Variants in SSH2 observed in about 807,000 individuals in gnomAD.
The protein encoded by SSH2 is protein phosphatase Slingshot homolog 2.
A neutral mutation model predicts 135.2 loss-of-function variants in SSH2; 37 were observed. The ratio of observed to expected loss-of-function variants is 0.27; its 90% confidence interval spans 0.21 to 0.36. The LOEUF is 0.36. SSH2 is among the 10% of genes least tolerant of loss of function. SSH2 has a pLI of 1.00. For missense variants in SSH2, 1,408 were observed against 1,765.3 expected, an observed-to-expected ratio of 0.80 and a Z score of 3.63; for synonymous variants, 628 against 646.2, an observed-to-expected ratio of 0.97 and a Z score of 0.43.
chr17:29,761,373 C>T, intron 3 of SSH2: 1 of 1,068,752 alleles, frequency 9.4e-7, no homozygotes, highest in Non-Finnish European at 1.1e-6. Flanking sequence ...GGAGGCGGGC[C>T]CGCCGGGTCG....
chr17:29,734,142 C>T (rs1350759638), intron 3 of SSH2, among the ~76,000 whole-genome samples: 1 of 151,992 alleles, frequency 6.6e-6, no homozygotes, highest in Non-Finnish European at 1.5e-5. Flanking sequence ...AGGCTGGTCT[C>T]GAACTCCTGA....
In SSH2 at chr17:29,672,629, AATG is replaced by A. The variant is rs1358299472; in HGVS notation, c.615-503_615-501del. The stretch of plus-strand genomic sequence containing the variant: ...TTTAATGTCCAGGAAGTGTTGATCT[AATG>A]ATATTTATTATTCCTGCTGCCTTAG... On this transcript the variant is annotated intron_variant, in intron 8 of 15. Transcript: ENST00000540801. Among the ~76,000 whole-genome samples, 10 of 152,194 alleles carry A rather than the reference AATG, an allele frequency of 6.6e-5. 1 individual carries two copies. The South Asian group carries it at 2.1e-3, about 32-fold the overall frequency.
chr17:29,748,925 A>T (rs957650046), intron 3 of SSH2, among the ~76,000 whole-genome samples: 1 of 152,242 alleles, frequency 6.6e-6, no homozygotes, highest in African/African-American at 2.4e-5. Flanking sequence ...GCCTAGCAAT[A>T]TGTTAAATGA....
chr17:29,920,133 C>T (rs192548865), intron 1 of SSH2, among the ~76,000 whole-genome samples: 1 of 152,052 alleles, frequency 6.6e-6, no homozygotes, highest in African/African-American at 2.4e-5. Flanking sequence ...CTCGAACTGC[C>T]GACCTTATCT....
chr17:29,777,566 A>G (rs1367056994), intron 3 of SSH2: 1 of 152,218 alleles, frequency 6.6e-6, no homozygotes, highest in East Asian at 1.9e-4. Context: ...AGAATCTTCC[A>G]AACACCAATC....
chr17:29,913,557 C>A (rs2066825601), intron 1 of SSH2, among the ~76,000 whole-genome samples: 1 of 149,762 alleles, frequency 6.7e-6, no homozygotes, highest in African/African-American at 2.4e-5. Context: ...ATTCTGTGAA[C>A]CCCTAGGAAG....
At chr17:29,656,183 T>C (rs2151011283) in intron 11 of SSH2, among the ~76,000 whole-genome samples, 1 of 152,254 alleles carries the variant, frequency 6.6e-6, no homozygotes, top group Non-Finnish European at 1.5e-5. Context: ...AAGCTCACAC[T>C]CTTTTTTTTC....
chr17:29,682,417 C>T (rs1567873279), intron 6 of SSH2, among the ~76,000 whole-genome samples: 1 of 152,124 alleles, frequency 6.6e-6, no homozygotes, highest in Non-Finnish European at 1.5e-5. Context: ...CTAGCACATA[C>T]GGTTACTGAA....
At chr17:29,823,603 G>A (rs2042692010) in intron 2 of SSH2, among the ~76,000 whole-genome samples, 1 of 151,950 alleles carries the variant, frequency 6.6e-6, no homozygotes, top group East Asian at 1.9e-4. Context: ...ACTGGGGTCG[G>A]GTGCGGTCTC....
In SSH2 at chr17:29,812,384, C is replaced by G. The variant is rs143692360; in HGVS notation, c.145-18447G>C. 7.4e-3 allele frequency among the ~76,000 whole-genome samples: 1,127 copies of G among 152,056 alleles called. 11 individuals carry two copies. Among genetic ancestry groups the G allele is most frequent in the African/African-American group, 0.022 (926 of 41,470 alleles). ...CTGCAGCCTCTGCCTCCCAGACTCA[C>G]GTGATTCTCTCACCTCAGCCTCCTG... On this transcript the variant is annotated intron_variant, in intron 2 of 15. Transcript: ENST00000540801.
rs1437451026 is a variant in SSH2 at position 29,684,665 on chromosome 17, G to A, written c.377C>T (p.Thr126Ile). The part of the protein sequence containing the change: ...NIRLAVRLES[T>I]YQNRTRYMVV... ...CATATAGCGTGTTCGATTCTGGTAA[G>A]TACTTTCCAGTCTTACAGCCTGGAA... Residue 126 changes from threonine to isoleucine, a missense_variant, in exon 6 of 16, where the codon ACT becomes ATT. Thr to Ile is a moderately conservative substitution (Grantham distance 89, BLOSUM62 -1). This residue lies in a region of SSH2 where 222 missense variants were observed against 355.6 expected (regional missense o/e 0.62). Coordinates refer to ENST00000540801, the MANE Select transcript of SSH2 (RefSeq NM_001282129.2). 2 of 1,612,134 alleles carry A rather than the reference G, an allele frequency of 1.2e-6. No homozygotes were observed.
At chr17:29,640,073 GTTTT>G (rs954899744) in intron 14 of SSH2, among the ~76,000 whole-genome samples, 85 of 145,278 alleles carry the variant, frequency 5.9e-4, no homozygotes, top group Non-Finnish European at 1.0e-3. Context: ...TCCAAAGTAT[GTTTT>G]TTTTTTGTTT....
intron 3 of SSH2, among the ~76,000 whole-genome samples, chr17:29,725,848 T>C (rs2039985992): frequency 1.3e-5 from 2 of 152,120 alleles, no homozygotes; most frequent in South Asian, 4.1e-4. Flanking sequence ...CAAACCACCA[T>C]GGCACATGTA....
chr17:29,825,722 G>A (rs893515372), intron 2 of SSH2, among the ~76,000 whole-genome samples: 7 of 152,094 alleles, frequency 4.6e-5, no homozygotes, highest in African/African-American at 1.4e-4. Flanking sequence ...AGGCCTGGTC[G>A]GAAGACGCCA....
chr17:29,670,952 C>T (rs1457618140), intron 9 of SSH2, among the ~76,000 whole-genome samples: 1 of 152,100 alleles, frequency 6.6e-6, no homozygotes, highest in Admixed American at 6.5e-5. Flanking sequence ...GCAAAAGAAA[C>T]ATCATGACGA....
chr17:29,880,920 T>A (rs1054101759), intron 1 of SSH2, among the ~76,000 whole-genome samples: 1 of 152,070 alleles, frequency 6.6e-6, no homozygotes, highest in Non-Finnish European at 1.5e-5. Context: ...AGTTCAGGAG[T>A]CTTATTAATA....
chr17:29,847,343 T>C (rs1296221863), intron 2 of SSH2, among the ~76,000 whole-genome samples: 1 of 152,122 alleles, frequency 6.6e-6, no homozygotes, highest in Non-Finnish European at 1.5e-5. Flanking sequence ...TAGATAAAAA[T>C]GTCAGGCATC....
chr17:29,910,246 G>C (rs2066741336), intron 1 of SSH2, among the ~76,000 whole-genome samples: 1 of 152,106 alleles, frequency 6.6e-6, no homozygotes, highest in Non-Finnish European at 1.5e-5. Context: ...ACCATGCCCA[G>C]CTCACTGTTA....
intron 3 of SSH2, among the ~76,000 whole-genome samples, chr17:29,733,548 A>AC (rs775850633): frequency 1.3e-5 from 2 of 152,176 alleles, no homozygotes; most frequent in South Asian, 4.1e-4. Flanking sequence ...AATCTGCTGT[A>AC]CTTTTTTTTT....
Sources: gnomAD v4.1 joint callset for allele counts (sites outside exome capture counted in the v4.1 genomes callset) on GRCh38, gnomAD v4.1.1 for gene constraint, gnomAD v4.1.1 regional missense constraint, MANE v1.5 for transcripts, NCBI Gene and HGNC (gene_info 2026-07-23, HGNC 2026-07-21) for gene names.